Variants in MAML3 observed in about 807,000 individuals in gnomAD.
MAML3 encodes mastermind-like protein 3.
Under a neutral mutation model 101.9 loss-of-function variants are expected in MAML3, and 27 were observed. The observed-to-expected ratio is 0.27, with a 90% CI of 0.20 to 0.37. MAML3 has a LOEUF of 0.37. Among genes scored for constraint, MAML3 ranks in the 10% least tolerant of loss-of-function variants. The pLI is 1.00. For synonymous variants in MAML3, 501 were observed against 555.9 expected, an observed-to-expected ratio of 0.90 and a Z score of 1.39; for missense variants, 1,316 against 1,444.9, an observed-to-expected ratio of 0.91 and a Z score of 1.45.
chr4:139,974,507 C>T (rs549504963), intron 1 of MAML3, among the ~76,000 whole-genome samples: 2 of 152,180 alleles, frequency 1.3e-5, no homozygotes, highest in South Asian at 4.2e-4. Flanking sequence ...CCTTAATGTA[C>T]TTATAATTTC....
chr4:139,896,595 T>G (rs558703594), intron 1 of MAML3, among the ~76,000 whole-genome samples: 1 of 129,442 alleles, frequency 7.7e-6, no homozygotes, highest in South Asian at 2.9e-4. Flanking sequence ...GATGGCTTGT[T>G]TCTGTGAAAC....
At chr4:139,722,146 T>C (rs1353453372) in intron 4 of MAML3, among the ~76,000 whole-genome samples, 1 of 152,206 alleles carries the variant, frequency 6.6e-6, no homozygotes, top group Non-Finnish European at 1.5e-5. Context: ...GAATGAGAAA[T>C]AGGTTCCTTT....
At chr4:139,964,641 C>A (rs1430112712) in intron 1 of MAML3, among the ~76,000 whole-genome samples, 1 of 152,104 alleles carries the variant, frequency 6.6e-6, no homozygotes, top group African/African-American at 2.4e-5. Context: ...ATGTCTAGTT[C>A]TCCACCAGGT....
intron 1 of MAML3, among the ~76,000 whole-genome samples, chr4:140,012,424 C>T (rs992652825): frequency 3.9e-5 from 6 of 152,180 alleles, no homozygotes; most frequent in Non-Finnish European, 7.4e-5. Context: ...TGCAATCAGT[C>T]GTCCAGTTCA....
rs185807231 is a variant in MAML3, at chr4:140,056,430, T to C, written c.468+96430A>G. 6.5e-4 allele frequency among the ~76,000 whole-genome samples: 99 copies of C among 151,410 alleles called. No individual in the cohort carries two copies. In the East Asian group the frequency reaches 0.019, roughly 29 times the overall value. ...TGGAGTGCAATGGCGCGATCTCGGC[T>C]CACCGCAATCTCTGCCTCCCAGGTT... On this transcript the variant is annotated intron_variant, in intron 1 of 4. Transcript: ENST00000509479.
intron 1 of MAML3, among the ~76,000 whole-genome samples, chr4:140,136,603 C>T (rs559308724): frequency 6.6e-6 from 1 of 152,130 alleles, no homozygotes; most frequent in Non-Finnish European, 1.5e-5. Flanking sequence ...TTTAACCGAA[C>T]CCATGGTTAA....
At chr4:140,131,619 A>G (rs1654396155) in intron 1 of MAML3, among the ~76,000 whole-genome samples, 3 of 152,114 alleles carry the variant, frequency 2.0e-5, no homozygotes, top group Admixed American at 2.0e-4. Context: ...GTCAACATCC[A>G]ATGTCACCTA....
intron 1 of MAML3, among the ~76,000 whole-genome samples, chr4:139,928,154 C>T (rs1158860988): frequency 6.6e-6 from 1 of 152,214 alleles, no homozygotes; most frequent in African/African-American, 2.4e-5. Flanking sequence ...TTCATGCTGG[C>T]CTTCTCCTTT....
At chr4:139,773,736 G>T (rs1023996768) in intron 2 of MAML3, among the ~76,000 whole-genome samples, 2 of 152,140 alleles carry the variant, frequency 1.3e-5, no homozygotes, top group South Asian at 2.1e-4. Context: ...TGAATTATCT[G>T]GCAACCTTTC....
At chr4:139,900,603 GAA>G (rs1404946814) in intron 1 of MAML3, among the ~76,000 whole-genome samples, 1 of 151,866 alleles carries the variant, frequency 6.6e-6, no homozygotes, top group African/African-American at 2.4e-5. Context: ...CTCTGTATCC[GAA>G]GTTATAAAGT....
intron 2 of MAML3, among the ~76,000 whole-genome samples, chr4:139,842,127 A>G (rs1731373899): frequency 6.6e-6 from 1 of 152,210 alleles, no homozygotes; most frequent in Non-Finnish European, 1.5e-5. Flanking sequence ...TGGGAAGACT[A>G]GGGCTTCCAG....
intron 3 of MAML3, among the ~76,000 whole-genome samples, chr4:139,727,187 G>A (rs767681062): frequency 1.3e-5 from 2 of 152,024 alleles, no homozygotes; most frequent in Non-Finnish European, 2.9e-5. Flanking sequence ...CAGTATTCTG[G>A]CAACCAAAGA....
chr4:139,851,194 T>C (rs945397501), intron 2 of MAML3, among the ~76,000 whole-genome samples: 1 of 152,246 alleles, frequency 6.6e-6, no homozygotes, highest in African/African-American at 2.4e-5. Context: ...AACTAGGAAC[T>C]GAAGGCCAGC....
intron 1 of MAML3, among the ~76,000 whole-genome samples, chr4:140,092,448 C>T (rs758612464): frequency 4.6e-5 from 7 of 152,092 alleles, no homozygotes; most frequent in Non-Finnish European, 1.0e-4. Flanking sequence ...GCATGTTAAC[C>T]GAGAAGCCCT....
chr4:139,956,639 G>C (rs1043207755), intron 1 of MAML3, among the ~76,000 whole-genome samples: 1 of 152,176 alleles, frequency 6.6e-6, no homozygotes, highest in Non-Finnish European at 1.5e-5. Context: ...CAGAGAGATT[G>C]GGCATTCCAG....
intron 1 of MAML3, among the ~76,000 whole-genome samples, chr4:140,088,570 TA>T (rs1727995080): frequency 6.6e-6 from 1 of 152,190 alleles, no homozygotes; most frequent in Non-Finnish European, 1.5e-5. Context: ...TACGTGGTAC[TA>T]ACAGAGGAAC....
intron 1 of MAML3, among the ~76,000 whole-genome samples, chr4:139,992,851 C>A (rs961992890): frequency 2.6e-5 from 4 of 152,152 alleles, no homozygotes; most frequent in Non-Finnish European, 2.9e-5. Context: ...GCCACCGCAC[C>A]GAGCCTATTT....
At chr4:140,079,403 C>G (rs886628660) in intron 1 of MAML3, among the ~76,000 whole-genome samples, 18 of 152,160 alleles carry the variant, frequency 1.2e-4, no homozygotes, top group Admixed American at 6.5e-5. Flanking sequence ...AAGAGATTCT[C>G]CTGCCTCAGC....
intron 1 of MAML3, among the ~76,000 whole-genome samples, chr4:139,891,785 T>C (rs1368986969): frequency 6.6e-6 from 1 of 152,244 alleles, no homozygotes; most frequent in Non-Finnish European, 1.5e-5. Context: ...ATCCCAAACT[T>C]ACTTTAAGTT....
Sources: allele counts gnomAD v4.1 joint callset (sites outside exome capture counted in the v4.1 genomes callset), GRCh38; gene constraint gnomAD v4.1.1; transcripts MANE v1.5; gene names NCBI Gene and HGNC (gene_info 2026-07-23, HGNC 2026-07-21).